Variants in CFTR observed in about 807,000 individuals in gnomAD.
The protein encoded by CFTR is CF transmembrane conductance regulator.
Under a neutral mutation model 171.6 loss-of-function variants are expected in CFTR, and 181 were observed. The ratio of observed to expected loss-of-function variants is 1.05; its 90% CI spans 0.93 to 1.19. The LOEUF (loss-of-function observed/expected upper bound fraction) is 1.19. Ranked by LOEUF, CFTR falls within the 50% of genes most tolerant of loss-of-function variation. The pLI, the probability that CFTR is intolerant of heterozygous loss-of-function variation, is 0.00. For missense variants in CFTR, 1,968 were observed against 1,734.7 expected (o/e 1.13, Z -2.39); for synonymous variants, 583 against 608.0 (o/e 0.96, Z 0.60).
At chr7:117,539,548 G>C (rs1042359718) in intron 7 of CFTR, among the ~76,000 whole-genome samples, 1 of 151,800 alleles carries the variant, frequency 6.6e-6, no homozygotes. Flanking sequence ...ACATGCTAAG[G>C]CTTAAGAACC....
chr7:117,508,956 A>C (rs1160627819), intron 2 of CFTR, 78 bp from the exon 3 acceptor site: 2 of 919,060 alleles, frequency 2.2e-6, no homozygotes, highest in African/African-American at 3.2e-5. Context: ...TGTGTGAATC[A>C]AACTATGTTA....
intron 11 of CFTR, among the ~76,000 whole-genome samples, chr7:117,571,026 C>T (rs989464447): frequency 8.5e-5 from 13 of 152,142 alleles, no homozygotes; most frequent in African/African-American, 3.1e-4. Context: ...GATCTTCTCC[C>T]AAATTATCTT....
intron 21 of CFTR, among the ~76,000 whole-genome samples, chr7:117,615,630 T>G (rs1792474395): frequency 6.6e-6 from 1 of 151,840 alleles, no homozygotes; most frequent in Non-Finnish European, 1.5e-5. Context: ...ATTTTAGTTG[T>G]GTTATTTCTC....
intron 11 of CFTR, among the ~76,000 whole-genome samples, chr7:117,565,856 T>A (rs1335883886): frequency 6.6e-6 from 1 of 152,068 alleles, no homozygotes; most frequent in South Asian, 2.1e-4. Context: ...GCAAGAAGTA[T>A]GAAAAAGCTT....
At position 117,652,730 on chromosome 7, in the gene CFTR, T is replaced by C. The variant is rs994737910; in HGVS notation, c.3874-112T>C. ...AACTTGATGGTAAGTACATGGGTGT[T>C]TCTTATTTTAAAATAATTTTTCTAC... On this transcript the variant is annotated intron_variant, in intron 23 of 26. Transcript: ENST00000003084. The C allele has an allele frequency of 1.8e-5, 11 of 623,412 alleles. No homozygotes were observed. The East Asian group carries it at 2.3e-4, about 13-fold the overall frequency. The allele number at this position is 623,412 out of a possible 1,614,324, so 38.6% of individuals were successfully genotyped here.
rs1366917 is a variant in CFTR, at chr7:117,576,606, T to C, written c.1585-11133T>C. Among the ~76,000 whole-genome samples, 1,178 of 152,208 alleles carry C rather than the reference T, an allele frequency of 7.7e-3. 34 individuals are homozygous for C. The highest frequency in any genetic ancestry group is 0.053 in the Admixed American group (807 of 15,276). On this transcript the variant is annotated intron_variant, in intron 11 of 26. Transcript: ENST00000003084. Reference sequence around the variant, plus strand: ...TCAGTATCTACTTTTGAAATAACAATAACTTTATTATTTAACTTTTTTTAT... The same window carrying C: ...TCAGTATCTACTTTTGAAATAACAACAACTTTATTATTTAACTTTTTTTAT...
chr7:117,603,191 A>AAAATG (rs1267078631), intron 16 of CFTR, among the ~76,000 whole-genome samples: 2 of 152,194 alleles, frequency 1.3e-5, no homozygotes, highest in Non-Finnish European at 2.9e-5. Flanking sequence ...AAAATAAAAT[A>AAAATG]AAATGAATAA....
chr7:117,540,938 C>G, intron 8 of CFTR, among the ~76,000 whole-genome samples: 1 of 151,538 alleles, frequency 6.6e-6, no homozygotes, highest in South Asian at 2.1e-4. Flanking sequence ...GGAGATGTCT[C>G]ACACACACAC....
intron 17 of CFTR, 32 bp downstream of exon 17, chr7:117,603,814 T>G: frequency 6.2e-7 from 1 of 1,610,812 alleles, no homozygotes; most frequent in East Asian, 2.2e-5. Flanking sequence ...ATGAAACTGC[T>G]GATCCACCAT....
At chr7:117,535,040 T>A (rs567839044) in intron 5 of CFTR, among the ~76,000 whole-genome samples, 1 of 152,346 alleles carries the variant, frequency 6.6e-6, no homozygotes, top group South Asian at 2.1e-4. Context: ...TGAAATTTGT[T>A]TTTTGGGAAA....
At chr7:117,579,990 A>T (rs1791826640) in intron 11 of CFTR, among the ~76,000 whole-genome samples, 1 of 151,972 alleles carries the variant, frequency 6.6e-6, no homozygotes, top group Admixed American at 6.6e-5. Flanking sequence ...TATAACCTGA[A>T]GGTTGGGTAG....
intron 12 of CFTR, among the ~76,000 whole-genome samples, chr7:117,589,050 T>C (rs925572406): frequency 2.0e-5 from 3 of 152,104 alleles, no homozygotes; most frequent in Non-Finnish European, 4.4e-5. Context: ...GTTTGTGTTA[T>C]CAGTTTAAGA....
intron 15 of CFTR, among the ~76,000 whole-genome samples, chr7:117,597,199 T>C (rs1340967329): frequency 6.6e-6 from 1 of 152,160 alleles, no homozygotes; most frequent in Non-Finnish European, 1.5e-5. Flanking sequence ...ACTGGGAAGG[T>C]CTGCAGCTTC....
At position 117,642,500 on chromosome 7, in the gene CFTR, A is replaced by G. The variant is rs112339787; in HGVS notation, c.3780A>G (p.Leu1260=). 5 of 1,613,592 alleles carry G rather than the reference A, an allele frequency of 3.1e-6. No homozygotes were observed. The highest frequency in any genetic ancestry group is 4.2e-6 in the Non-Finnish European group (5 of 1,179,756). The change falls in exon 23 of 27, where the codon CTA becomes CTG. Residue 1260 remains leucine (L), a synonymous_variant. Transcript: ENST00000003084. ...KSTLLSAFLR[L]LNTEGEIQID... Reference sequence around the variant, plus strand: ...CTTTGTTATCAGCTTTTTTGAGACTACTGAACACTGAAGGAGAAATCCAGA... The same window carrying G: ...CTTTGTTATCAGCTTTTTTGAGACTGCTGAACACTGAAGGAGAAATCCAGA...
rs189825342 is a variant in CFTR, at chr7:117,550,666, A to G, written c.1392+1843A>G. 5.3e-4 allele frequency among the ~76,000 whole-genome samples: 81 copies of G among 152,210 alleles called. 1 individual carries two copies. Among genetic ancestry groups the G allele is most frequent in the African/African-American group, 1.8e-3 (76 of 41,452 alleles). On this transcript the variant is annotated intron_variant, in intron 10 of 26. Transcript: ENST00000003084. Reference sequence around the variant, plus strand: ...TAATTCTGCGTATGTCTTCAAGATCAATTCTATGATAGATGTGCAAAAATA... The same window carrying G: ...TAATTCTGCGTATGTCTTCAAGATCGATTCTATGATAGATGTGCAAAAATA...
intron 22 of CFTR, among the ~76,000 whole-genome samples, chr7:117,640,301 A>G (rs1340006417): frequency 6.6e-6 from 1 of 152,166 alleles, no homozygotes; most frequent in East Asian, 1.9e-4. Context: ...AATGTGTCAG[A>G]TATCATGCAT....
intron 18 of CFTR, among the ~76,000 whole-genome samples, chr7:117,607,284 G>A (rs1241373165): frequency 3.3e-5 from 5 of 152,142 alleles, no homozygotes; most frequent in African/African-American, 1.2e-4. Context: ...AAAAAATCTA[G>A]GGTTTTATGA....
At chr7:117,558,407 A>T (rs1263842173) in intron 10 of CFTR, among the ~76,000 whole-genome samples, 87 of 152,180 alleles carry the variant, frequency 5.7e-4, no homozygotes, top group Non-Finnish European at 4.4e-5. Flanking sequence ...ACAAAAAATT[A>T]GCCAGACGTG....
chr7:117,505,048 T>C (rs56296320), intron 2 of CFTR, among the ~76,000 whole-genome samples: 2,129 of 152,276 alleles, frequency 0.014, 24 homozygotes, highest in Admixed American at 0.022. Flanking sequence ...CTACTGGTTA[T>C]CAAACAAATG....
Sources: gnomAD v4.1 joint callset for allele counts (sites outside exome capture counted in the v4.1 genomes callset) on GRCh38, gnomAD v4.1.1 for gene constraint, MANE v1.5 for transcripts, NCBI Gene and HGNC (gene_info 2026-07-23, HGNC 2026-07-21) for gene names.